Variants in CNTNAP2 observed in about 807,000 individuals in gnomAD.
CNTNAP2 encodes contactin-associated protein-like 2.
Under a neutral mutation model 155.2 loss-of-function variants are expected in CNTNAP2, and 98 were observed. The observed-to-expected ratio is 0.63, with a 90% CI of 0.54 to 0.75. The LOEUF is 0.75. Among genes scored for constraint, CNTNAP2 ranks in the 30% least tolerant of loss-of-function variants. The probability of loss-of-function intolerance (pLI) is 0.00; values close to 1 mark genes in which losing one functional copy is unlikely to be tolerated. For missense variants in CNTNAP2, 1,727 were observed against 1,688.1 expected (o/e 1.02, Z -0.40); for synonymous variants, 651 against 631.2 (o/e 1.03, Z -0.47).
chr7:146,881,561 A>G (rs1795550499), intron 3 of CNTNAP2, among the ~76,000 whole-genome samples: 1 of 151,986 alleles, frequency 6.6e-6, no homozygotes, highest in Non-Finnish European at 1.5e-5. Context: ...GAAACTTCAA[A>G]TGCTACTATT....
At chr7:148,300,711 A>C (rs1290193490) in intron 21 of CNTNAP2, among the ~76,000 whole-genome samples, 1 of 152,214 alleles carries the variant, frequency 6.6e-6, no homozygotes, top group Non-Finnish European at 1.5e-5. Context: ...AATGTGGTCT[A>C]TACGTACAAC....
chr7:147,498,042 G>A (rs1325215516), intron 11 of CNTNAP2, among the ~76,000 whole-genome samples: 1 of 152,114 alleles, frequency 6.6e-6, no homozygotes, highest in African/African-American at 2.4e-5. Flanking sequence ...TACTGGGATT[G>A]CATGCGTATT....
At chr7:148,133,579 C>T (rs181291329) in intron 16 of CNTNAP2, 2 of 152,196 alleles carry the variant, frequency 1.3e-5, no homozygotes, top group Non-Finnish European at 2.9e-5. Context: ...GTCTAGAGCC[C>T]GGGAAGTCTA....
chr7:147,083,503 G>A (rs1439845640), intron 4 of CNTNAP2, among the ~76,000 whole-genome samples: 1 of 143,046 alleles, frequency 7.0e-6, no homozygotes, highest in Non-Finnish European at 1.5e-5. Context: ...TCGTTTTCAG[G>A]TTAAAAGTAA....
At chr7:148,229,921 G>A in intron 20 of CNTNAP2, 142 bp downstream of exon 20, 1 of 881,068 alleles carries the variant, frequency 1.1e-6, no homozygotes, top group Non-Finnish European at 1.7e-6. Context: ...TGCATAACTA[G>A]TGAAGTAGAA....
At chr7:146,686,153 T>C (rs1169697066) in intron 1 of CNTNAP2, among the ~76,000 whole-genome samples, 1 of 151,900 alleles carries the variant, frequency 6.6e-6, no homozygotes, top group East Asian at 1.9e-4. Context: ...TTTTAAAAAA[T>C]TACCCAGGAG....
intron 1 of CNTNAP2, among the ~76,000 whole-genome samples, chr7:146,293,735 C>T (rs1403607460): frequency 1.3e-5 from 2 of 151,950 alleles, no homozygotes; most frequent in Non-Finnish European, 2.9e-5. Context: ...CATTGGGTTT[C>T]TTTTTAATTC....
At chr7:147,610,095 A>G (rs1444788876) in intron 12 of CNTNAP2, among the ~76,000 whole-genome samples, 1 of 152,124 alleles carries the variant, frequency 6.6e-6, no homozygotes, top group Admixed American at 6.5e-5. Context: ...CTTTATAAAA[A>G]CTTTAAATTT....
intron 4 of CNTNAP2, among the ~76,000 whole-genome samples, chr7:147,089,838 TC>T (rs1241783220): frequency 6.6e-6 from 1 of 152,196 alleles, no homozygotes; most frequent in Non-Finnish European, 1.5e-5. Flanking sequence ...TTGAAGGTGT[TC>T]ATATAAGCAC....
chr7:148,373,790 G>T (rs1041723601), intron 21 of CNTNAP2, among the ~76,000 whole-genome samples: 7 of 152,210 alleles, frequency 4.6e-5, no homozygotes, highest in African/African-American at 1.7e-4. Flanking sequence ...GGCTTTAGGG[G>T]TTCAGCAGTG....
At chr7:148,413,259 G>GT (rs1406764511) in intron 23 of CNTNAP2, among the ~76,000 whole-genome samples, 1 of 150,778 alleles carries the variant, frequency 6.6e-6, no homozygotes, top group Admixed American at 6.6e-5. Context: ...GGGCGTACTG[G>GT]TGGGCGCCTG....
intron 1 of CNTNAP2, among the ~76,000 whole-genome samples, chr7:146,545,532 C>T (rs1415787782): frequency 6.6e-6 from 1 of 151,672 alleles, no homozygotes; most frequent in East Asian, 1.9e-4. Context: ...TGATGTTCCC[C>T]TCCGTCTGTC....
chr7:148,220,845 G>T (rs984493485), intron 19 of CNTNAP2, among the ~76,000 whole-genome samples: 1 of 152,140 alleles, frequency 6.6e-6, no homozygotes, highest in African/African-American at 2.4e-5. Context: ...CTGGATCAGG[G>T]TCAATAGGTT....
chr7:146,604,046 T>G (rs1409508321), intron 1 of CNTNAP2, among the ~76,000 whole-genome samples: 4 of 104,596 alleles, frequency 3.8e-5, no homozygotes, highest in African/African-American at 1.2e-4. Flanking sequence ...CCAAAAGCAA[T>G]GGCAACAAAA....
chr7:146,218,608 T>C (rs1326746759), intron 1 of CNTNAP2, among the ~76,000 whole-genome samples: 1 of 152,122 alleles, frequency 6.6e-6, no homozygotes, highest in Non-Finnish European at 1.5e-5. Context: ...TTCTTTTTTT[T>C]CCCCTGTGGT....
At chr7:146,842,810 C>T (rs1484399166) in intron 3 of CNTNAP2, among the ~76,000 whole-genome samples, 4 of 151,658 alleles carry the variant, frequency 2.6e-5, no homozygotes, top group Admixed American at 6.6e-5. Context: ...CTCAGCCTCC[C>T]AAGTAGCTGG....
At chr7:146,347,239 T>C (rs1156928964) in intron 1 of CNTNAP2, among the ~76,000 whole-genome samples, 3 of 151,410 alleles carry the variant, frequency 2.0e-5, no homozygotes, top group African/African-American at 7.3e-5. Context: ...GAAAAAAAGA[T>C]TTCAAAGTAG....
chr7:147,707,973 A>G (rs1796341680), intron 13 of CNTNAP2, among the ~76,000 whole-genome samples: 2 of 152,050 alleles, frequency 1.3e-5, no homozygotes, highest in Admixed American at 1.3e-4. Context: ...CTTGGATGTC[A>G]TGTCTGGACA....
intron 14 of CNTNAP2, among the ~76,000 whole-genome samples, chr7:147,925,234 G>A (rs564049993): frequency 6.6e-6 from 1 of 150,592 alleles, no homozygotes; most frequent in South Asian, 2.1e-4. Flanking sequence ...TAGGTTCACA[G>A]CAAAGTACCC....
Sources: allele counts gnomAD v4.1 joint callset (sites outside exome capture counted in the v4.1 genomes callset), GRCh38; gene constraint gnomAD v4.1.1; transcripts MANE v1.5; gene names NCBI Gene and HGNC (gene_info 2026-07-23, HGNC 2026-07-21).